SYT16: variants seen among roughly 807,000 people sequenced by gnomAD.
SYT16 encodes the protein synaptotagmin-16.
In SYT16, 42 loss-of-function variants were observed where a neutral mutation model predicts 61.4. That is an observed-to-expected ratio of 0.68 (90% CI 0.53 to 0.89). The LOEUF (loss-of-function observed/expected upper bound fraction) is 0.89. Among genes scored for constraint, SYT16 ranks in the 40% least tolerant of loss-of-function variants. The probability of loss-of-function intolerance (pLI) is 0.00; values close to 1 mark genes in which losing one functional copy is unlikely to be tolerated. For missense variants in SYT16, 804 were observed against 807.3 expected (o/e 1.00, Z 0.05); for synonymous variants, 314 against 302.3 (o/e 1.04, Z -0.40).
intron 3 of SYT16, among the ~76,000 whole-genome samples, chr14:62,042,363 TA>T: frequency 6.6e-6 from 1 of 152,308 alleles, no homozygotes; most frequent in South Asian, 2.1e-4. Context: ...AAGATATATA[TA>T]AATATTTTTG....
intron 1 of SYT16, among the ~76,000 whole-genome samples, chr14:61,904,267 G>C (rs79975040): frequency 1.3e-5 from 2 of 152,238 alleles, no homozygotes; most frequent in Non-Finnish European, 2.9e-5. Flanking sequence ...GTCAAAATTT[G>C]CTTTGTTTGC....
chr14:61,818,110 A>C (rs2045498702), intron 1 of SYT16, among the ~76,000 whole-genome samples: 1 of 152,222 alleles, frequency 6.6e-6, no homozygotes, highest in African/African-American at 2.4e-5. Flanking sequence ...TTGTGAAGTG[A>C]TAATGTTAAC....
chr14:61,846,010 T>C (rs999101583), intron 1 of SYT16, among the ~76,000 whole-genome samples: 6 of 152,326 alleles, frequency 3.9e-5, no homozygotes, highest in African/African-American at 1.4e-4. Flanking sequence ...TTTTATTCCA[T>C]TGTGGTAAGA....
chr14:62,104,849 T>G lies in SYT16; in HGVS notation c.*4142T>G, dbSNP rs2057485608. On this transcript the variant is annotated 3_prime_UTR_variant, in exon 8 of 8. Transcript: ENST00000683842. The stretch of plus-strand genomic sequence containing the variant: ...CTACCTCATTAGGTGTCTTAAAAGA[T>G]ATCAGTGAAATCACAGATGTAATGT... 2 of 152,198 alleles carry G rather than the reference T, an allele frequency of 1.3e-5. No homozygotes were observed. The highest frequency in any genetic ancestry group is 2.9e-5 in the Non-Finnish European group (2 of 68,028). The allele number at this position is 152,198 out of a possible 1,614,324, so 9.4% of individuals were successfully genotyped here.
intron 4 of SYT16, among the ~76,000 whole-genome samples, chr14:62,071,500 T>C (rs2056299103): frequency 6.6e-6 from 1 of 152,212 alleles, no homozygotes; most frequent in Non-Finnish European, 1.5e-5. Context: ...ATCTACTACA[T>C]TGAATGAAGT....
At chr14:62,069,567 C>A (rs2056209222) in intron 3 of SYT16, 36 bp from the exon 4 acceptor site, 1 of 1,584,224 alleles carries the variant, frequency 6.3e-7, no homozygotes, top group Non-Finnish European at 8.7e-7. Context: ...AGCATATAGG[C>A]CACACAGGAG....
At position 61,835,028 on chromosome 14, in the gene SYT16, C is replaced by T. The variant is rs79440798; in HGVS notation, c.-325+22218C>T. Among the ~76,000 whole-genome samples, 123 of 152,186 alleles carry T rather than the reference C, an allele frequency of 8.1e-4. 1 individual carries two copies. The highest frequency in any genetic ancestry group is 2.9e-3 in the African/African-American group (119 of 41,520). On this transcript the variant is annotated intron_variant, in intron 1 of 7. Transcript: ENST00000683842. ...TTTTTATAAATCCTGACCTTTTATA[C>T]CCACTTTGCATATGAAGATATTAAG...
intron 1 of SYT16, among the ~76,000 whole-genome samples, chr14:61,829,369 T>G (rs2045865700): frequency 6.6e-6 from 1 of 152,202 alleles, no homozygotes; most frequent in Non-Finnish European, 1.5e-5. Context: ...AATTTAATTA[T>G]GATATGTCTG....
At chr14:61,924,293 G>A (rs2049451901) in intron 1 of SYT16, among the ~76,000 whole-genome samples, 1 of 152,074 alleles carries the variant, frequency 6.6e-6, no homozygotes. Context: ...ATTATTTGAG[G>A]GTATATGAGA....
chr14:61,895,951 G>A (rs947823331), intron 1 of SYT16, among the ~76,000 whole-genome samples: 6 of 152,172 alleles, frequency 3.9e-5, no homozygotes, highest in South Asian at 2.1e-4. Context: ...CTGGCAGTGC[G>A]CGTGGGGACA....
At chr14:61,871,313 G>A (rs1368044353) in intron 1 of SYT16, among the ~76,000 whole-genome samples, 2 of 151,562 alleles carry the variant, frequency 1.3e-5, no homozygotes, top group East Asian at 1.9e-4. Context: ...TTCTTTTCCT[G>A]GTCTTGTTAG....
intron 6 of SYT16, among the ~76,000 whole-genome samples, chr14:62,083,710 G>T (rs1054699295): frequency 6.6e-6 from 1 of 152,142 alleles, no homozygotes; most frequent in African/African-American, 2.4e-5. Context: ...TTCTATGTGG[G>T]GGTAGACGTC....
intron 1 of SYT16, among the ~76,000 whole-genome samples, chr14:61,901,315 C>A (rs978233396): frequency 2.6e-5 from 4 of 152,198 alleles, no homozygotes; most frequent in African/African-American, 9.7e-5. Context: ...AAATACAAGG[C>A]ACGTAATATG....
At chr14:62,028,127 C>T (rs2054170614) in intron 3 of SYT16, among the ~76,000 whole-genome samples, 2 of 152,076 alleles carry the variant, frequency 1.3e-5, no homozygotes, top group African/African-American at 2.4e-5. Context: ...AGAATTTGCT[C>T]AGTTGTGTTA....
At chr14:61,973,218 T>G (rs2051638019) in intron 2 of SYT16, among the ~76,000 whole-genome samples, 1 of 152,172 alleles carries the variant, frequency 6.6e-6, no homozygotes, top group African/African-American at 2.4e-5. Context: ...TTGCTTTCCT[T>G]TAGGCTATAT....
At chr14:61,963,341 T>C (rs2051186950) in intron 1 of SYT16, among the ~76,000 whole-genome samples, 2 of 152,174 alleles carry the variant, frequency 1.3e-5, no homozygotes, top group Admixed American at 6.5e-5. Flanking sequence ...AGGAAAAGTC[T>C]TGAAGAGAAT....
intron 1 of SYT16, among the ~76,000 whole-genome samples, chr14:61,828,872 C>G (rs762024387): frequency 1.4e-4 from 21 of 152,270 alleles, no homozygotes; most frequent in Non-Finnish European, 2.6e-4. Context: ...AAGGCTATTC[C>G]TAACACTGTT....
In SYT16 at chr14:61,923,146, T is replaced by C. The variant is rs577721459; in HGVS notation, c.-324-46986T>C. Among the ~76,000 whole-genome samples, 4 of 152,214 alleles carry C rather than the reference T, an allele frequency of 2.6e-5. No individual in the cohort carries two copies. The South Asian group carries it at 8.3e-4, about 32-fold the overall frequency. On this transcript the variant is annotated intron_variant, in intron 1 of 7. Transcript: ENST00000683842. ...GAGAATGGCTCTTATAAATATTATG[T>C]AGAAAATTATTAGGGCAACAAAAGA...
At chr14:61,869,782 T>G (rs1270429369) in intron 1 of SYT16, among the ~76,000 whole-genome samples, 1 of 152,214 alleles carries the variant, frequency 6.6e-6, no homozygotes, top group African/African-American at 2.4e-5. Flanking sequence ...TCCCTTTTTT[T>G]GTTCTCTGCC....
Sources: gnomAD v4.1 joint callset for allele counts (sites outside exome capture counted in the v4.1 genomes callset) on GRCh38, gnomAD v4.1.1 for gene constraint, MANE v1.5 for transcripts, NCBI Gene and HGNC (gene_info 2026-07-23, HGNC 2026-07-21) for gene names.